The following IQCM variants were observed in gnomAD, a reference collection of about 807,000 sequenced individuals.
IQCM encodes IQ motif containing M.
Under a neutral mutation model 57.6 loss-of-function variants are expected in IQCM, and 45 were observed. The ratio of observed to expected loss-of-function variants is 0.78; its 90% CI spans 0.62 to 1.00. IQCM has a LOEUF of 1.00. Ranked by LOEUF, IQCM falls within the 50% of genes least tolerant of loss-of-function variation. The pLI is 0.00. For missense variants in IQCM, 468 were observed against 511.6 expected (o/e 0.91, Z 0.82); for synonymous variants, 148 against 158.9 (o/e 0.93, Z 0.51).
Position 149,625,605 on chromosome 4 carries a change from G to A in IQCM, c.566-4361C>T, listed in dbSNP as rs545956424. On this transcript the variant is annotated intron_variant, in intron 7 of 13. Coordinates refer to ENST00000636793, the MANE Select transcript of IQCM (RefSeq NM_001363507.2). The stretch of plus-strand genomic sequence containing the variant: ...GAAACTCAGCAAGGCTTATTTCTTC[G>A]GATTTTTCTTGGCTTCCAGATATGG... Among the ~76,000 whole-genome samples, 20 of 152,216 alleles carry A rather than the reference G, an allele frequency of 1.3e-4. 1 individual carries two copies. The highest frequency in any genetic ancestry group is 4.1e-4 in the South Asian group (2 of 4,822).
At chr4:149,726,119 GAAAGAAAGAAAGAAAGAAAGA>G (rs1561203838) in intron 5 of IQCM, among the ~76,000 whole-genome samples, 2 of 147,434 alleles carry the variant, frequency 1.4e-5, no homozygotes, top group East Asian at 2.0e-4. Context: ...AAGAAAGAAA[GAAAGAAAGAAAGAAAGAAAGA>G]AAAGAAAGAA....
At chr4:149,678,914 C>T (rs1761971724) in intron 7 of IQCM, among the ~76,000 whole-genome samples, 1 of 151,614 alleles carries the variant, frequency 6.6e-6, no homozygotes, top group Non-Finnish European at 1.5e-5. Flanking sequence ...AAAGAGAAAC[C>T]TTAAACACTG....
chr4:149,573,779 A>G (rs1355728090), intron 9 of IQCM, among the ~76,000 whole-genome samples: 16 of 151,876 alleles, frequency 1.1e-4, no homozygotes, highest in Admixed American at 1.1e-3. Flanking sequence ...CAAAAAAAAA[A>G]AAAATTAAAA....
chr4:149,530,626 T>C (rs916708798), intron 12 of IQCM, among the ~76,000 whole-genome samples: 2 of 152,218 alleles, frequency 1.3e-5, no homozygotes, highest in African/African-American at 4.8e-5. Context: ...TCTCTTCATG[T>C]TGTACTTTAC....
intron 8 of IQCM, among the ~76,000 whole-genome samples, chr4:149,592,002 G>T (rs1753231280): frequency 6.6e-6 from 1 of 152,110 alleles, no homozygotes; most frequent in South Asian, 2.1e-4. Flanking sequence ...GGTATTTCCA[G>T]TTCTAGATCT....
chr4:149,704,680 G>T (rs1374952373), intron 5 of IQCM, among the ~76,000 whole-genome samples: 1 of 151,882 alleles, frequency 6.6e-6, no homozygotes, highest in Non-Finnish European at 1.5e-5. Context: ...TGCAAAGCAG[G>T]TGTGATGATT....
At chr4:149,613,308 G>T (rs908240616) in intron 8 of IQCM, among the ~76,000 whole-genome samples, 1 of 152,038 alleles carries the variant, frequency 6.6e-6, no homozygotes, top group East Asian at 1.9e-4. Flanking sequence ...TTTTCATTAT[G>T]TGATAAAATT....
At chr4:149,612,912 CA>C (rs1299953507) in intron 8 of IQCM, among the ~76,000 whole-genome samples, 11 of 151,966 alleles carry the variant, frequency 7.2e-5, no homozygotes, top group African/African-American at 2.7e-4. Context: ...GAATGCTATT[CA>C]AAATGTCAAA....
intron 13 of IQCM, among the ~76,000 whole-genome samples, chr4:149,408,235 A>T (rs938325566): frequency 3.3e-5 from 5 of 152,202 alleles, no homozygotes; most frequent in Non-Finnish European, 5.9e-5. Flanking sequence ...AAACCAACTT[A>T]TTGTGACATA....
chr4:149,663,631 C>CTT (rs138216788), intron 7 of IQCM, among the ~76,000 whole-genome samples: 2 of 151,510 alleles, frequency 1.3e-5, no homozygotes, highest in African/African-American at 2.4e-5. Context: ...AGTTGGTTTT[C>CTT]TTTTTTTTAG....
chr4:149,541,403 GTT>G (rs1291545502), intron 12 of IQCM, among the ~76,000 whole-genome samples: 1 of 151,900 alleles, frequency 6.6e-6, no homozygotes, highest in African/African-American at 2.4e-5. Flanking sequence ...TCGTTGTTGA[GTT>G]TTTTTGATTA....
rs149885945 is a variant in IQCM, at chr4:149,591,215, T to C, written c.682-3218A>G. 1.1e-3 allele frequency among the ~76,000 whole-genome samples: 170 copies of C among 152,184 alleles called. 2 individuals carry two copies. The East Asian group carries it at 0.029, about 26-fold the overall frequency. The stretch of plus-strand genomic sequence containing the variant: ...AGGCTTCTTTCTAAAAAAGCACCTG[T>C]ATAATTCATCAATTCCCTTCCTCTT... On this transcript the variant is annotated intron_variant, in intron 8 of 13. Coordinates refer to ENST00000636793, the MANE Select transcript of IQCM (RefSeq NM_001363507.2).
chr4:149,458,411 T>C (rs1326825605), intron 12 of IQCM, among the ~76,000 whole-genome samples: 1 of 152,094 alleles, frequency 6.6e-6, no homozygotes, highest in Non-Finnish European at 1.5e-5. Flanking sequence ...TAAGTAAATT[T>C]AGAGCCAAAG....
At position 149,591,966 on chromosome 4, in the gene IQCM, C is replaced by T. The variant is rs989488609; in HGVS notation, c.682-3969G>A. On this transcript the variant is annotated intron_variant, in intron 8 of 13. Transcript: ENST00000636793. ...GATTTATAGTCCTTTGGGTATATAC[C>T]CAGTAACGGGATGGCTGGGTCAAAT... is the stretch of plus-strand genomic sequence containing the variant. 6.6e-5 allele frequency among the ~76,000 whole-genome samples: 10 copies of T among 152,152 alleles called. No individual in the cohort carries two copies. In the South Asian group the frequency reaches 1.2e-3, roughly 19 times the overall value.
At chr4:149,369,426 CT>C (rs1162449055) in intron 13 of IQCM, among the ~76,000 whole-genome samples, 4 of 151,934 alleles carry the variant, frequency 2.6e-5, no homozygotes, top group African/African-American at 9.7e-5. Flanking sequence ...AGAGGCCCAT[CT>C]AAAAAAGACA....
At chr4:149,690,343 T>C (rs1762856661) in intron 5 of IQCM, among the ~76,000 whole-genome samples, 2 of 152,016 alleles carry the variant, frequency 1.3e-5, no homozygotes, top group South Asian at 4.1e-4. Flanking sequence ...AAACATCATA[T>C]GTTCTCACTG....
chr4:149,756,204 C>G (rs923096957), intron 2 of IQCM, among the ~76,000 whole-genome samples: 2 of 152,062 alleles, frequency 1.3e-5, no homozygotes, highest in Non-Finnish European at 2.9e-5. Flanking sequence ...ATGTATACCC[C>G]CCGCCGTGCC....
chr4:149,567,822 A>G (rs891118736), intron 9 of IQCM, among the ~76,000 whole-genome samples: 3 of 152,122 alleles, frequency 2.0e-5, no homozygotes, highest in African/African-American at 7.2e-5. Flanking sequence ...TACAAATGTT[A>G]TAACAATTTT....
At chr4:149,615,599 TA>T (rs756542466) in intron 8 of IQCM, among the ~76,000 whole-genome samples, 1 of 152,132 alleles carries the variant, frequency 6.6e-6, no homozygotes, top group Admixed American at 6.5e-5. Context: ...TAATTAGAAC[TA>T]AAAACATATG....
Sources: allele counts gnomAD v4.1 joint callset (sites outside exome capture counted in the v4.1 genomes callset), GRCh38; gene constraint gnomAD v4.1.1; transcripts MANE v1.5; gene names NCBI Gene and HGNC (gene_info 2026-07-23, HGNC 2026-07-21).